DRC4: variants seen among roughly 807,000 people sequenced by gnomAD.
DRC4 encodes dynein regulatory complex subunit 4.
the DRC4 span, among the ~76,000 whole-genome samples, chr16:90,038,386 T>C: frequency 1.3e-5 from 2 of 152,234 alleles, no homozygotes; most frequent in African/African-American, 2.4e-5. Flanking sequence ...TGTATCAGGC[T>C]GCACATAGGA....
At chr16:90,022,536 G>A in the DRC4 span, 3 of 537,708 alleles carry the variant, frequency 5.6e-6, no homozygotes, top group Non-Finnish European at 9.2e-6. Flanking sequence ...GTTCACAACC[G>A]GGTTCCTTCC....
chr16:90,027,641 G>A, the DRC4 span: 24 of 1,613,804 alleles, frequency 1.5e-5, no homozygotes, highest in East Asian at 1.3e-4. Context: ...CAAAGGCACC[G>A]AAAAAGAAAG....
At chr16:90,027,697 C>T in the DRC4 span, 2 of 1,614,208 alleles carry the variant, frequency 1.2e-6, no homozygotes, top group Non-Finnish European at 8.5e-7. Flanking sequence ...GATGGGCTCG[C>T]TCCAGAGGAC....
At chr16:90,023,092 C>T in the DRC4 span, among the ~76,000 whole-genome samples, 1 of 152,190 alleles carries the variant, frequency 6.6e-6, no homozygotes, top group Non-Finnish European at 1.5e-5. Context: ...CCTAGGGTTT[C>T]AGCTCACGAG....
chr16:90,021,097 A>G, the DRC4 span, among the ~76,000 whole-genome samples: 58 of 152,314 alleles, frequency 3.8e-4, 1 homozygote, highest in East Asian at 0.011. Context: ...CTATAAATAA[A>G]TCACTGCTTT....
the DRC4 span, among the ~76,000 whole-genome samples, chr16:90,034,036 G>A: frequency 5.3e-5 from 8 of 152,044 alleles, no homozygotes; most frequent in Non-Finnish European, 1.2e-4. Context: ...CCGTGGTGGG[G>A]ACTGGGACTT....
chr16:90,031,145 C>T, the DRC4 span: 1 of 1,498,860 alleles, frequency 6.7e-7, no homozygotes, highest in Non-Finnish European at 8.9e-7. Context: ...CCGGAGCTTC[C>T]TAGCCTTATA....
chr16:90,028,602 G>A, the DRC4 span, among the ~76,000 whole-genome samples: 1 of 152,148 alleles, frequency 6.6e-6, no homozygotes, highest in Non-Finnish European at 1.5e-5. Context: ...CTTTGTAGGA[G>A]TTAGTTTAAG....
chr16:90,035,797 C>T, the DRC4 span: 33 of 1,607,096 alleles, frequency 2.1e-5, no homozygotes, highest in Non-Finnish European at 2.8e-5. Context: ...TGGATTAAAA[C>T]AGCCAAGGCA....
chr16:90,042,347 G>A, the DRC4 span: 3 of 748,928 alleles, frequency 4.0e-6, no homozygotes, highest in South Asian at 4.3e-5. Flanking sequence ...GTGGATGGAT[G>A]CATCCATCAA....
At chr16:90,040,899 G>C in the DRC4 span, among the ~76,000 whole-genome samples, 1 of 152,076 alleles carries the variant, frequency 6.6e-6, no homozygotes, top group Admixed American at 6.5e-5. Flanking sequence ...TGGTGCCTGT[G>C]GGACCCTGGT....
chr16:90,036,939 C>T, the DRC4 span: 4 of 552,996 alleles, frequency 7.2e-6, no homozygotes, highest in African/African-American at 1.9e-5. Flanking sequence ...TAGGTGTCAT[C>T]GTCACTGCAT....
the DRC4 span, chr16:90,037,116 C>A: frequency 1.9e-6 from 2 of 1,038,826 alleles, no homozygotes; most frequent in Non-Finnish European, 2.8e-6. Flanking sequence ...GCCAGCATGC[C>A]TGAGGCTGGC....
At chr16:90,027,974 G>C in the DRC4 span, 1 of 488,402 alleles carries the variant, frequency 2.0e-6, no homozygotes, top group Non-Finnish European at 3.7e-6. Flanking sequence ...ATGCTTTTCT[G>C]ATCTAAAAGC....
chr16:90,040,580 CTG>C, the DRC4 span: 1 of 1,424,802 alleles, frequency 7.0e-7, no homozygotes, highest in South Asian at 1.2e-5. Flanking sequence ...CAGTTCTGTG[CTG>C]CTCCTCGGAT....
At chr16:90,037,339 G>A in the DRC4 span, 1 of 1,614,058 alleles carries the variant, frequency 6.2e-7, no homozygotes, top group South Asian at 1.1e-5. Flanking sequence ...AGGCTCGGGA[G>A]GAGATGAGCG....
the DRC4 span, chr16:90,037,465 C>T: frequency 6.6e-7 from 1 of 1,520,932 alleles, no homozygotes; most frequent in Non-Finnish European, 8.9e-7. Flanking sequence ...GAGGGAGGAG[C>T]ATCACAGGGA....
chr16:90,040,390 G>A, the DRC4 span: 2 of 1,611,796 alleles, frequency 1.2e-6, no homozygotes, highest in Admixed American at 3.3e-5. Flanking sequence ...CCTCGTGCTA[G>A]AACGCAAGCT....
At chr16:90,026,557 G>T in the DRC4 span, among the ~76,000 whole-genome samples, 1 of 152,162 alleles carries the variant, frequency 6.6e-6, no homozygotes, top group African/African-American at 2.4e-5. Context: ...TTCCATGGTG[G>T]TCACCAATGT....
Sources: gnomAD v4.1 joint callset for allele counts (sites outside exome capture counted in the v4.1 genomes callset) on GRCh38, gnomAD v4.1.1 for gene constraint, MANE v1.5 for transcripts, NCBI Gene and HGNC (gene_info 2026-07-23, HGNC 2026-07-21) for gene names.